Variants in KHDRBS2 observed in about 807,000 individuals in gnomAD.
KHDRBS2 encodes KH domain-containing, RNA-binding, signal transduction-associated protein 2.
Under a neutral mutation model 44.3 loss-of-function variants are expected in KHDRBS2, and 26 were observed. That is an observed-to-expected ratio of 0.59 (90% CI 0.43 to 0.81). KHDRBS2 has a LOEUF of 0.81. Among genes scored for constraint, KHDRBS2 ranks in the 40% least tolerant of loss-of-function variants. The pLI, the probability that KHDRBS2 is intolerant of heterozygous loss-of-function variation, is 0.00. For missense variants in KHDRBS2, 476 were observed against 433.1 expected, an observed-to-expected ratio of 1.10 and a Z score of -0.88; for synonymous variants, 194 against 151.1, an observed-to-expected ratio of 1.28 and a Z score of -2.08.
At chr6:62,239,380 C>T (rs977015058) in intron 1 of KHDRBS2, among the ~76,000 whole-genome samples, 4 of 152,104 alleles carry the variant, frequency 2.6e-5, no homozygotes, top group Non-Finnish European at 5.9e-5. Context: ...CAAGACCAGC[C>T]TTGCCAACAT....
chr6:61,551,820 G>A, the KHDRBS2 span, among the ~76,000 whole-genome samples: 1 of 151,738 alleles, frequency 6.6e-6, no homozygotes, highest in Non-Finnish European at 1.5e-5. Context: ...TGCTCTTTTT[G>A]CTTAGGATTG....
intron 2 of KHDRBS2, among the ~76,000 whole-genome samples, chr6:62,092,053 C>A (rs1041031629): frequency 5.3e-5 from 8 of 152,036 alleles, no homozygotes; most frequent in African/African-American, 1.9e-4. Flanking sequence ...GTAAGTAGGA[C>A]TCTTGTTACT....
chr6:61,957,892 T>C (rs1274422586), intron 4 of KHDRBS2, among the ~76,000 whole-genome samples: 1 of 152,128 alleles, frequency 6.6e-6, no homozygotes, highest in African/African-American at 2.4e-5. Context: ...CCTGCTGACA[T>C]GTGATGTTTC....
chr6:61,928,222 T>G (rs1472834818), intron 4 of KHDRBS2, among the ~76,000 whole-genome samples: 2 of 152,140 alleles, frequency 1.3e-5, no homozygotes, highest in African/African-American at 4.8e-5. Flanking sequence ...CAGCATATAA[T>G]GCAACAATTC....
At chr6:61,936,517 A>AT (rs540830207) in intron 4 of KHDRBS2, among the ~76,000 whole-genome samples, 35 of 150,926 alleles carry the variant, frequency 2.3e-4, no homozygotes, top group South Asian at 6.3e-4. Flanking sequence ...TTTAAGTTAG[A>AT]TTTTTTTTTA....
chr6:61,798,685 T>A (rs1428923627), intron 6 of KHDRBS2, among the ~76,000 whole-genome samples: 2 of 151,986 alleles, frequency 1.3e-5, no homozygotes, highest in Non-Finnish European at 2.9e-5. Context: ...ATATTTTGGG[T>A]AAGGAGGCAT....
At chr6:62,137,619 G>T (rs1811853098) in intron 2 of KHDRBS2, among the ~76,000 whole-genome samples, 1 of 152,114 alleles carries the variant, frequency 6.6e-6, no homozygotes, top group South Asian at 2.1e-4. Flanking sequence ...GGCATGTTCT[G>T]TATAAAGGAA....
intron 2 of KHDRBS2, among the ~76,000 whole-genome samples, chr6:62,106,122 A>G (rs1332625223): frequency 6.6e-6 from 1 of 152,056 alleles, no homozygotes; most frequent in East Asian, 1.9e-4. Flanking sequence ...TTCTAGTTTG[A>G]TTGCACTGTG....
the KHDRBS2 span, among the ~76,000 whole-genome samples, chr6:61,565,791 A>G: frequency 1.3e-5 from 2 of 152,136 alleles, no homozygotes; most frequent in Non-Finnish European, 2.9e-5. Context: ...GATTCAAAGA[A>G]AACAGTATGA....
chr6:61,845,478 T>A (rs755582129), intron 6 of KHDRBS2, among the ~76,000 whole-genome samples: 1 of 152,120 alleles, frequency 6.6e-6, no homozygotes, highest in Non-Finnish European at 1.5e-5. Flanking sequence ...CCCAGCTAAT[T>A]TTTGTATTCT....
At position 62,117,979 on chromosome 6, in the gene KHDRBS2, T is replaced by C. The variant is rs191091309; in HGVS notation, c.219+59206A>G. Reference sequence around the variant, plus strand: ...TTAGTAGAGATGGGGTTTCCCAACGTTGGCCACGCTGGTCTTGAACTCCTT... The same window carrying C: ...TTAGTAGAGATGGGGTTTCCCAACGCTGGCCACGCTGGTCTTGAACTCCTT... On this transcript the variant is annotated intron_variant, in intron 2 of 8. Coordinates refer to ENST00000281156, the MANE Select transcript of KHDRBS2 (RefSeq NM_152688.4). Among the ~76,000 whole-genome samples the C allele has an allele frequency of 1.2e-4, 19 of 152,256 alleles. No homozygotes were observed. In the East Asian group the frequency reaches 3.7e-3, roughly 29 times the overall value.
In KHDRBS2 at chr6:61,954,698, A is replaced by G. The variant is rs1222181467; in HGVS notation, c.483+23368T>C. Among the ~76,000 whole-genome samples the G allele has an allele frequency of 9.7e-3, 743 of 76,264 alleles. 35 individuals are homozygous for G. Among genetic ancestry groups the G allele is most frequent in the Non-Finnish European group, 0.016 (506 of 31,584 alleles). 50.0% of individuals were successfully genotyped at this position (76,264 alleles called of 152,430 possible). ...CACATACATACTTATGTATACATAC[A>G]TATGTGTATATACACATGCATACTT... On this transcript the variant is annotated intron_variant, in intron 4 of 8. Transcript: ENST00000281156.
intron 6 of KHDRBS2, among the ~76,000 whole-genome samples, chr6:61,842,022 G>T (rs552905540): frequency 3.3e-5 from 5 of 152,140 alleles, no homozygotes; most frequent in African/African-American, 1.2e-4. Flanking sequence ...GATGAAGAAT[G>T]TCTGTCCTTT....
rs1188426778 is a variant in KHDRBS2 at position 62,181,980 on chromosome 6, T to C, written c.92-4668A>G. Among the ~76,000 whole-genome samples the C allele has an allele frequency of 3.9e-5, 6 of 151,912 alleles. No homozygotes were observed. In the East Asian group the frequency reaches 9.7e-4, roughly 24 times the overall value. ...GACTTCCTAAACTTCAGAGCTATGATAAATAAATGAGTAAGTTAAGGGAGC... is the reference window on the plus strand; with the variant it reads ...GACTTCCTAAACTTCAGAGCTATGACAAATAAATGAGTAAGTTAAGGGAGC... On this transcript the variant is annotated intron_variant, in intron 1 of 8. Coordinates refer to ENST00000281156, the MANE Select transcript of KHDRBS2 (RefSeq NM_152688.4).
At chr6:61,761,796 GAAGATTTTGAGTTA>G (rs1481275665) in intron 6 of KHDRBS2, among the ~76,000 whole-genome samples, 1 of 152,164 alleles carries the variant, frequency 6.6e-6, no homozygotes. Context: ...GGGTGGTGGA[GAAGATTTTGAGTTA>G]ATTTGCACAA....
chr6:62,075,121 T>C (rs566051879), intron 2 of KHDRBS2, among the ~76,000 whole-genome samples: 6 of 152,040 alleles, frequency 3.9e-5, no homozygotes, highest in African/African-American at 1.4e-4. Context: ...TCTTATGCTA[T>C]GGTCTGAATG....
At chr6:61,823,882 G>T (rs1259380297) in intron 6 of KHDRBS2, among the ~76,000 whole-genome samples, 1 of 152,002 alleles carries the variant, frequency 6.6e-6, no homozygotes, top group Non-Finnish European at 1.5e-5. Flanking sequence ...TCTTAATGAA[G>T]AAATAATGTC....
intron 2 of KHDRBS2, among the ~76,000 whole-genome samples, chr6:62,087,185 G>A: frequency 6.6e-6 from 1 of 152,000 alleles, no homozygotes; most frequent in Non-Finnish European, 1.5e-5. Context: ...CTTAAAAAGA[G>A]AATATTGATC....
intron 6 of KHDRBS2, among the ~76,000 whole-genome samples, chr6:61,758,702 G>C (rs1289491414): frequency 6.6e-6 from 1 of 151,976 alleles, no homozygotes; most frequent in Non-Finnish European, 1.5e-5. Flanking sequence ...TACTCATGCT[G>C]TATGATTTTA....
Sources: allele counts gnomAD v4.1 joint callset (sites outside exome capture counted in the v4.1 genomes callset), GRCh38; gene constraint gnomAD v4.1.1; transcripts MANE v1.5; gene names NCBI Gene and HGNC (gene_info 2026-07-23, HGNC 2026-07-21).